Variants in SPTBN5 observed in about 807,000 individuals in gnomAD.
SPTBN5 encodes spectrin beta chain, non-erythrocytic 5.
SPTBN5 carries 513 observed loss-of-function variants against 477.6 expected under a neutral mutation model. The ratio of observed to expected loss-of-function variants is 1.07; its 90% CI spans 1.00 to 1.16. The LOEUF (loss-of-function observed/expected upper bound fraction) is 1.16. Ranked by LOEUF, SPTBN5 falls within the 50% of genes most tolerant of loss-of-function variation. SPTBN5 has a pLI of 0.00. For missense variants in SPTBN5, 5,062 were observed against 4,731.8 expected, an observed-to-expected ratio of 1.07 and a Z score of -2.05; for synonymous variants, 2,169 against 2,011.7, an observed-to-expected ratio of 1.08 and a Z score of -2.09.
At chr15:41,852,769 T>TGGC (rs1555460253) in intron 60 of SPTBN5, 34 bp from the exon 61 acceptor site, 30 of 1,275,910 alleles carry the variant, frequency 2.4e-5, no homozygotes, top group South Asian at 2.3e-4. Context: ...ACGCCCAGCT[T>TGGC]GGGGGGGGGG....
At chr15:41,851,254 G>A in intron 64 of SPTBN5, 29 bp downstream of exon 64, 1 of 1,552,274 alleles carries the variant, frequency 6.4e-7, no homozygotes, top group Non-Finnish European at 8.7e-7. Context: ...GCACCCTGAT[G>A]TCTGCATCTC....
chr15:41,848,844 C>CGTCT (rs2065646391), intron 67 of SPTBN5, among the ~76,000 whole-genome samples: 2 of 152,182 alleles, frequency 1.3e-5, no homozygotes, highest in African/African-American at 4.8e-5. Flanking sequence ...CCCAACTCTA[C>CGTCT]GTCTGTCAGC....
At chr15:41,856,290 A>G in intron 53 of SPTBN5, 96 bp downstream of exon 53, 2 of 1,165,384 alleles carry the variant, frequency 1.7e-6, no homozygotes, top group Non-Finnish European at 1.2e-6. Context: ...GAGGAGACGA[A>G]AGGTGCCCAG....
In SPTBN5 at chr15:41,877,662, G is replaced by C. The variant is rs111342002; in HGVS notation, c.3471-306C>G. Among the ~76,000 whole-genome samples, 1,182 of 152,146 alleles carry C rather than the reference G, an allele frequency of 7.8e-3. 19 individuals are homozygous for C. Among genetic ancestry groups the C allele is most frequent in the African/African-American group, 0.027 (1,105 of 41,386 alleles). On this transcript the variant is annotated intron_variant, in intron 17 of 67. Coordinates refer to ENST00000320955, the MANE Select transcript of SPTBN5 (RefSeq NM_016642.4). The stretch of plus-strand genomic sequence containing the variant: ...CGCAGGGCCACTGCAAGCCCCCATG[G>C]AGGCTTTGAACAATCAGAAAAGGTG...
Position 41,857,297 on chromosome 15 carries a change from C to G in SPTBN5, c.8562G>C (p.Val2854=). 1 of 1,572,120 alleles carries G rather than the reference C, an allele frequency of 6.4e-7. No individual in the cohort carries two copies. Among genetic ancestry groups the G allele is most frequent in the Non-Finnish European group, 8.6e-7 (1 of 1,159,202 alleles). ...CTTGGGCAAGGCAGTGGCCTTCCCT[C>G]ACAAAGGCCTGGGCCTGGCCCAGCA... The part of the protein sequence containing the change: ...EALLGQAQAF[V]REGHCLAQDV... Residue 2854 remains valine (V), a synonymous_variant, in exon 51 of 68, where the codon GTG becomes GTC. Transcript: ENST00000320955.
At chr15:41,875,823 G>C in intron 21 of SPTBN5, among the ~76,000 whole-genome samples, 1 of 152,216 alleles carries the variant, frequency 6.6e-6, no homozygotes, top group Non-Finnish European at 1.5e-5. Flanking sequence ...ATAGAGCGGG[G>C]TGAGCCGGCA....
chr15:41,887,206 C>T lies in SPTBN5; in HGVS notation c.888+7G>A. ...CTTGCTCACCCCACCCCTCCTTTCT[C>T]CCCCACCTTAGTGAGTCTCCTCTGG... On this transcript the variant is annotated splice_region_variant and intron_variant, in intron 6 of 67. Transcript: ENST00000320955. 6.4e-7 allele frequency: 1 copy of T among 1,551,118 alleles called. No individual in the cohort carries two copies. Among genetic ancestry groups the T allele is most frequent in the Non-Finnish European group, 8.7e-7 (1 of 1,146,632 alleles).
chr15:41,850,727 TCCCAC>T (rs2065724327), intron 66 of SPTBN5, 122 bp downstream of exon 66: 4 of 811,530 alleles, frequency 4.9e-6, no homozygotes, highest in Non-Finnish European at 7.6e-6. Context: ...AAACAGTAAG[TCCCAC>T]TTCTTGGAGG....
intron 9 of SPTBN5, 114 bp from the exon 10 acceptor site, chr15:41,882,852 A>G (rs1047998073): frequency 7.1e-7 from 1 of 1,411,862 alleles, no homozygotes; most frequent in African/African-American, 1.4e-5. Flanking sequence ...TCCCTGGATG[A>G]CTCAACAGGT....
rs1018257270 is a variant in SPTBN5, at chr15:41,879,577, G to A, written c.2943-78C>T. 76 of 1,523,990 alleles carry A rather than the reference G, an allele frequency of 5.0e-5. 1 individual carries two copies. The Middle Eastern group carries it at 2.5e-3, about 51-fold the overall frequency. 94.4% of individuals were successfully genotyped at this position (1,523,990 alleles called of 1,614,324 possible). ...CCGGGAGCCTTGGCCAGAGCCTCAC[G>A]TGACAGAAGCTGCCAGACTGGCTGT... On this transcript the variant is annotated intron_variant, in intron 15 of 67. Transcript: ENST00000320955.
chr15:41,863,867 C>G, intron 40 of SPTBN5, 42 bp downstream of exon 40: 1 of 1,613,042 alleles, frequency 6.2e-7, no homozygotes, highest in Non-Finnish European at 8.5e-7. Flanking sequence ...GGCCTTCCAC[C>G]CCTCTTCCCG....
In SPTBN5 at chr15:41,853,719, T is replaced by C; in HGVS notation, c.9843A>G (p.Leu3281=). 5 of 1,594,266 alleles carry C rather than the reference T, an allele frequency of 3.1e-6. No individual in the cohort carries two copies. Among genetic ancestry groups the C allele is most frequent in the South Asian group, 1.1e-5 (1 of 88,682 alleles). Residue 3281 remains leucine, a synonymous_variant, in exon 58 of 68, where the codon CTA becomes CTG. Coordinates refer to ENST00000320955, the MANE Select transcript of SPTBN5 (RefSeq NM_016642.4). Reference sequence around the variant, plus strand: ...CCAGGCCCCCCGGAGCTGCAGGATGTAGCTGGCCCAGTCGGCAGGCCTCCG... The same window carrying C: ...CCAGGCCCCCCGGAGCTGCAGGATGCAGCTGGCCCAGTCGGCAGGCCTCCG... The part of the protein sequence containing the change: ...LQTEACRLGQ[L]HPAAPGGLAK...
intron 52 of SPTBN5, 113 bp downstream of exon 52, chr15:41,856,740 C>T (rs2065938777): frequency 8.2e-6 from 11 of 1,347,514 alleles, no homozygotes; most frequent in Non-Finnish European, 1.1e-5. Flanking sequence ...TCCAGGGCAT[C>T]CCAAAAGCCC....
In SPTBN5 at chr15:41,854,979, G is replaced by A. The variant is rs2065890378; in HGVS notation, c.9424-3C>T. On this transcript the variant is annotated splice_polypyrimidine_tract_variant and splice_region_variant and intron_variant, in intron 55 of 67. Transcript: ENST00000320955. The stretch of plus-strand genomic sequence containing the variant: ...GCATCAAACTTCTCTTCCAGCACCT[G>A]CAAAGGTATGAGGCCCAGCAGGGTC... The A allele has an allele frequency of 1.3e-6, 2 of 1,536,320 alleles. No individual in the cohort carries two copies. The highest frequency in any genetic ancestry group is 8.8e-7 in the Non-Finnish European group (1 of 1,141,142).
chr15:41,863,788 C>T lies in SPTBN5; in HGVS notation c.7065G>A (p.Arg2355=). Residue 2355 remains arginine (R), a synonymous_variant, in exon 41 of 68, where the codon CGG becomes CGA. Transcript: ENST00000320955. ...AGGCCCCTTCGAGCTGCTGCTGGTA[C>T]CGGAGCAAGTTGCCATGGAAACTCG... ...RWASFHGNLL[R]YQQQLEGALE... is the part of the protein sequence containing the mutation. The T allele has an allele frequency of 6.2e-7, 1 of 1,613,874 alleles. No individual in the cohort carries two copies.
chr15:41,876,829 G>A lies in SPTBN5; in HGVS notation c.3831C>T (p.Ser1277=). The part of the protein sequence containing the change: ...LRAHGEKLVQ[S]QHPAAHTVRE... ...CTCACGTGTGTGCAGCTGGGTGCTG[G>A]CTCTGAACCAGCTTCTCGCCGTGTG... is the stretch of plus-strand genomic sequence containing the variant. The change falls in exon 19 of 68, where the codon AGC becomes AGT. Residue 1277 remains serine (S), a synonymous_variant. Coordinates refer to ENST00000320955, the MANE Select transcript of SPTBN5 (RefSeq NM_016642.4). 1.9e-6 allele frequency: 3 copies of A among 1,597,282 alleles called. No individual in the cohort carries two copies. The highest frequency in any genetic ancestry group is 1.3e-5 in the African/African-American group (1 of 74,860).
intron 54 of SPTBN5, 27 bp downstream of exon 54, chr15:41,855,522 T>A (rs753453361): frequency 2.5e-6 from 4 of 1,604,162 alleles, no homozygotes; most frequent in Non-Finnish European, 3.4e-6. Flanking sequence ...TCTCTGCTCC[T>A]TCGCGGATGG....
In SPTBN5 at chr15:41,871,847, G is replaced by A. The variant is rs558397780; in HGVS notation, c.5236C>T (p.Leu1746=). The A allele has an allele frequency of 2.8e-5, 45 of 1,588,058 alleles. No homozygotes were observed. In the African/African-American group the frequency reaches 5.6e-4, roughly 20 times the overall value. ...LREAEDLQGW[L]ASQKQAAKGG... is the part of the protein sequence containing the mutation. ...TTGGCTGCCTGCTTCTGGCTTGCCAGCCAGCCCTGCAGGTCCTCAGCCTCC... is the reference window on the plus strand; with the variant it reads ...TTGGCTGCCTGCTTCTGGCTTGCCAACCAGCCCTGCAGGTCCTCAGCCTCC... The change falls in exon 28 of 68, where the codon CTG becomes TTG. Residue 1746 remains leucine, a synonymous_variant. Coordinates refer to ENST00000320955, the MANE Select transcript of SPTBN5 (RefSeq NM_016642.4).
At chr15:41,852,455 G>A in intron 61 of SPTBN5, 139 bp from the exon 62 acceptor site, 13 of 1,350,672 alleles carry the variant, frequency 9.6e-6, no homozygotes, top group Non-Finnish European at 1.3e-5. Context: ...TTCAGCTTTG[G>A]CTCTGGAGGC....
Sources: gnomAD v4.1 joint callset for allele counts (sites outside exome capture counted in the v4.1 genomes callset) on GRCh38, gnomAD v4.1.1 for gene constraint, MANE v1.5 for transcripts, NCBI Gene and HGNC (gene_info 2026-07-23, HGNC 2026-07-21) for gene names.